SLC6A18: variants seen among roughly 807,000 people sequenced by gnomAD.
SLC6A18 encodes the protein solute carrier family 6 member 18.
In SLC6A18, 58 loss-of-function variants were observed where a neutral mutation model predicts 62.9. That is an observed-to-expected ratio of 0.92 (90% CI 0.75 to 1.15). The LOEUF (loss-of-function observed/expected upper bound fraction) is 1.15. SLC6A18 is among the 50% of genes most tolerant of loss of function. SLC6A18 has a pLI of 0.00. For missense variants in SLC6A18, 793 were observed against 836.6 expected (o/e 0.95, Z 0.64); for synonymous variants, 382 against 365.8 (o/e 1.04, Z -0.51).
Position 1,232,209 on chromosome 5 carries a change from C to G in SLC6A18, c.161-10C>G. Reference sequence around the variant, plus strand: ...ACCCTGGGCAGGTGCTGACCACCCCCTCCTCACAGGGGCCTTCCTCATCCC... The same window carrying G: ...ACCCTGGGCAGGTGCTGACCACCCCGTCCTCACAGGGGCCTTCCTCATCCC... On this transcript the variant is annotated splice_polypyrimidine_tract_variant and intron_variant, in intron 1 of 11. Transcript: ENST00000324642. The G allele has an allele frequency of 1.9e-6, 3 of 1,608,602 alleles. No homozygotes were observed. The highest frequency in any genetic ancestry group is 2.5e-6 in the Non-Finnish European group (3 of 1,177,582).
At chr5:1,240,422 C>T (rs1747022353) in intron 6 of SLC6A18, 109 bp from the exon 7 acceptor site, 2 of 1,515,206 alleles carry the variant, frequency 1.3e-6, no homozygotes, top group Admixed American at 3.8e-5. Flanking sequence ...GAAGGGGCAT[C>T]CCAGGCGGGA....
At chr5:1,226,245 G>A (rs1268348576) in intron 1 of SLC6A18, among the ~76,000 whole-genome samples, 4 of 152,154 alleles carry the variant, frequency 2.6e-5, no homozygotes, top group African/African-American at 4.8e-5. Flanking sequence ...AGGCTCCCAC[G>A]CACCTCGAGC....
At position 1,232,205 on chromosome 5, in the gene SLC6A18, C is replaced by T; in HGVS notation, c.161-14C>T. 6.2e-7 allele frequency: 1 copy of T among 1,607,334 alleles called. No individual in the cohort carries two copies. The highest frequency in any genetic ancestry group is 8.5e-7 in the Non-Finnish European group (1 of 1,176,902). ...CCCGACCCTGGGCAGGTGCTGACCA[C>T]CCCCTCCTCACAGGGGCCTTCCTCA... On this transcript the variant is annotated splice_polypyrimidine_tract_variant and intron_variant, in intron 1 of 11. Coordinates refer to ENST00000324642, the MANE Select transcript of SLC6A18 (RefSeq NM_182632.3).
In SLC6A18 at chr5:1,240,084, G is replaced by A. The variant is rs56933134; in HGVS notation, c.846-447G>A. On this transcript the variant is annotated intron_variant, in intron 6 of 11. Coordinates refer to ENST00000324642, the MANE Select transcript of SLC6A18 (RefSeq NM_182632.3). The stretch of plus-strand genomic sequence containing the variant: ...GGTTGGTCCCTGGGCAGCTCTGCCC[G>A]CTGGCGGCCTTTAGGGAAGGAAGTG... Among the ~76,000 whole-genome samples, 917 of 152,300 alleles carry A rather than the reference G, an allele frequency of 6.0e-3. 30 individuals carry two copies. In the East Asian group the frequency reaches 0.091, roughly 15 times the overall value.
At position 1,238,309 on chromosome 5, in the gene SLC6A18, T is replaced by TTCGGTCTGGGG. The variant is rs1746947255; in HGVS notation, c.732+249_732+250insTCGGTCTGGGG. ...CAGGTTTGGAGTGGGCCTGGAGGAC[T>TTCGGTCTGGGG]CAGGAAAGACATCAGGTTTGGAGTG... On this transcript the variant is annotated intron_variant, in intron 5 of 11. Coordinates refer to ENST00000324642, the MANE Select transcript of SLC6A18 (RefSeq NM_182632.3). Among the ~76,000 whole-genome samples the TTCGGTCTGGGG allele has an allele frequency of 3.1e-5, 4 of 130,292 alleles. 1 individual carries two copies. The highest frequency in any genetic ancestry group is 7.4e-5 in the Admixed American group (1 of 13,596). 85.5% of individuals were successfully genotyped at this position (130,292 alleles called of 152,430 possible). A position where few individuals can be genotyped will look rare whatever the true frequency, so the allele number is the denominator to read the frequency against.
intron 3 of SLC6A18, among the ~76,000 whole-genome samples, chr5:1,233,787 G>A (rs1436734957): frequency 6.7e-6 from 1 of 149,490 alleles, no homozygotes; most frequent in South Asian, 2.1e-4. Context: ...TGTCGCCCAG[G>A]CTGGAGTGCA....
In SLC6A18 at chr5:1,246,093, G is replaced by C; in HGVS notation, c.*15G>C. The C allele has an allele frequency of 6.5e-7, 1 of 1,546,238 alleles. No individual in the cohort carries two copies. The highest frequency in any genetic ancestry group is 8.7e-7 in the Non-Finnish European group (1 of 1,151,750). Reference sequence around the variant, plus strand: ...ACATGCGCTGAAGCCGGCCGGAGCGGGGCCTGCATGGGCGGGTCTGTGGGG... The same window carrying C: ...ACATGCGCTGAAGCCGGCCGGAGCGCGGCCTGCATGGGCGGGTCTGTGGGG... On this transcript the variant is annotated 3_prime_UTR_variant, in exon 12 of 12. Transcript: ENST00000324642.
intron 3 of SLC6A18, among the ~76,000 whole-genome samples, chr5:1,235,260 A>G (rs1056077833): frequency 6.6e-6 from 1 of 152,136 alleles, no homozygotes; most frequent in Non-Finnish European, 1.5e-5. Context: ...GGGCTCGTAA[A>G]CCTTCGCAAA....
At chr5:1,238,741 T>C (rs1023192798) in intron 5 of SLC6A18, among the ~76,000 whole-genome samples, 1 of 152,050 alleles carries the variant, frequency 6.6e-6, no homozygotes. Context: ...GACATGGATG[T>C]GAGGGGTCAG....
intron 3 of SLC6A18, among the ~76,000 whole-genome samples, chr5:1,233,600 T>C (rs554717262): frequency 6.6e-6 from 1 of 151,526 alleles, no homozygotes; most frequent in East Asian, 1.9e-4. Flanking sequence ...TTTTTTTTTT[T>C]TGGGACAAGG....
At chr5:1,240,757 C>T (rs1747035491) in intron 7 of SLC6A18, 98 bp downstream of exon 7, 3 of 1,525,830 alleles carry the variant, frequency 2.0e-6, no homozygotes, top group Non-Finnish European at 2.7e-6. Context: ...GTGGCGTGGG[C>T]ACATTTCATT....
intron 9 of SLC6A18, among the ~76,000 whole-genome samples, chr5:1,244,005 A>G (rs374512763): frequency 6.6e-6 from 1 of 152,084 alleles, no homozygotes. Context: ...GCAGGAAAGC[A>G]GGTCCTTCCT....
chr5:1,244,232 G>A lies in SLC6A18; in HGVS notation c.1355G>A (p.Cys452Tyr), dbSNP rs745510798. 6.2e-7 allele frequency: 1 copy of A among 1,608,146 alleles called. No individual in the cohort carries two copies. Among genetic ancestry groups the A allele is most frequent in the South Asian group, 1.1e-5 (1 of 90,984 alleles). ...GCCCCAGGGCTGGTCTGCCTGGTCT[G>A]CTTCCTCTCCGCCACCTGCTTCACG... is the stretch of plus-strand genomic sequence containing the variant. ...EALTGLVCLV[C>Y]FLSATCFTLQ... The change falls in exon 10 of 12, where the codon TGC (cysteine) becomes TAC (tyrosine). Residue 452 changes from cysteine (C) to tyrosine (Y), a missense_variant. Physicochemically the swap from Cys to Tyr is radical, Grantham distance 194. Transcript: ENST00000324642.
intron 1 of SLC6A18, among the ~76,000 whole-genome samples, chr5:1,229,230 C>A (rs1746661201): frequency 6.6e-6 from 1 of 151,950 alleles, no homozygotes; most frequent in East Asian, 1.9e-4. Flanking sequence ...TCACAGAAAA[C>A]CCTCTCATCT....
Position 1,243,639 on chromosome 5 carries a change from T to C in SLC6A18, c.1216T>C (p.Phe406Leu). ...MPGAPVWAML[F>L]FGMLFTLGLS... ...GGGGGCTCCTGTGTGGGCCATGCTC[T>C]TCTTCGGGATGCTGTTCACCTTGGG... is the stretch of plus-strand genomic sequence containing the variant. The change falls in exon 9 of 12, where the codon TTC becomes CTC. Residue 406 changes from phenylalanine (F) to leucine (L), a missense_variant. Coordinates refer to ENST00000324642, the MANE Select transcript of SLC6A18 (RefSeq NM_182632.3). This position sits in a 1 kb window ranked among gnomAD's most constrained non-coding sequence, Gnocchi z 6.5. 1 of 1,614,080 alleles carries C rather than the reference T, an allele frequency of 6.2e-7. No individual in the cohort carries two copies. Among genetic ancestry groups the C allele is most frequent in the Non-Finnish European group, 8.5e-7 (1 of 1,179,994 alleles).
intron 10 of SLC6A18, 54 bp from the exon 11 acceptor site, chr5:1,244,554 A>T (rs561084095): frequency 6.4e-7 from 1 of 1,555,858 alleles, no homozygotes; most frequent in South Asian, 1.2e-5. Flanking sequence ...CTCGGCTTGG[A>T]GTGGGTGGAC....
chr5:1,238,888 C>A (rs77157432), intron 5 of SLC6A18, among the ~76,000 whole-genome samples: 7,209 of 152,296 alleles, frequency 0.047, 493 homozygotes, highest in East Asian at 0.36. Context: ...GCTCCAGGAG[C>A]CTGCACGGCT....
At position 1,243,750 on chromosome 5, in the gene SLC6A18, G is replaced by T; in HGVS notation, c.1327G>T (p.Ala443Ser). Residue 443 changes from alanine (A) to serine (S), a missense_variant, in exon 9 of 12, where the codon GCC becomes TCC. Coordinates refer to ENST00000324642, the MANE Select transcript of SLC6A18 (RefSeq NM_182632.3). This position sits in a 1 kb window ranked among gnomAD's most constrained non-coding sequence, Gnocchi z 6.5. ...CCTGCCTAGATGGGTCCCCAAGGAGGCCCTGACTGGTGAGCGCACAGCTCC... is the reference window on the plus strand; with the variant it reads ...CCTGCCTAGATGGGTCCCCAAGGAGTCCCTGACTGGTGAGCGCACAGCTCC... ...GVLPRWVPKE[A>S]LTGLVCLVCF... 6.2e-7 allele frequency: 1 copy of T among 1,605,790 alleles called. No individual in the cohort carries two copies. Among genetic ancestry groups the T allele is most frequent in the South Asian group, 1.1e-5 (1 of 90,478 alleles).
chr5:1,246,183 A>G lies in SLC6A18; in HGVS notation c.*105A>G. 1 of 1,381,624 alleles carries G rather than the reference A, an allele frequency of 7.2e-7. No individual in the cohort carries two copies. The highest frequency in any genetic ancestry group is 9.6e-7 in the Non-Finnish European group (1 of 1,047,056). The allele number at this position is 1,381,624 out of a possible 1,614,324, so 85.6% of individuals were successfully genotyped here. The stretch of plus-strand genomic sequence containing the variant: ...CCGACCCCAATACACCAGCGACTCA[A>G]CCTTGATGCCGCTGTGTACGTGTGG... On this transcript the variant is annotated 3_prime_UTR_variant, in exon 12 of 12. Coordinates refer to ENST00000324642, the MANE Select transcript of SLC6A18 (RefSeq NM_182632.3).
Sources: gnomAD v4.1 joint callset for allele counts (sites outside exome capture counted in the v4.1 genomes callset) on GRCh38, gnomAD v4.1.1 for gene constraint, Gnocchi (gnomAD v3.1) non-coding constraint, MANE v1.5 for transcripts, NCBI Gene and HGNC (gene_info 2026-07-23, HGNC 2026-07-21) for gene names.